HPSE2: variants seen among roughly 807,000 people sequenced by gnomAD.
HPSE2 encodes inactive heparanase-2.
In HPSE2, 38 loss-of-function variants were observed where a neutral mutation model predicts 60.5. The observed-to-expected ratio is 0.63, with a 90% confidence interval of 0.48 to 0.82. The LOEUF is 0.82. HPSE2 is among the 40% of genes least tolerant of loss of function. HPSE2 has a pLI of 0.00. For missense variants in HPSE2, 713 were observed against 740.4 expected, an observed-to-expected ratio of 0.96 and a Z score of 0.43; for synonymous variants, 295 against 293.2, an observed-to-expected ratio of 1.01 and a Z score of -0.06.
intron 3 of HPSE2, among the ~76,000 whole-genome samples, chr10:98,841,521 C>T (rs542347587): frequency 1.6e-4 from 25 of 152,204 alleles, no homozygotes; most frequent in Admixed American, 7.8e-4. Flanking sequence ...AGTAATCTTC[C>T]GGAACTTAAC....
chr10:99,096,758 T>C (rs1222198254), intron 3 of HPSE2, among the ~76,000 whole-genome samples: 3 of 152,114 alleles, frequency 2.0e-5, no homozygotes, highest in Admixed American at 6.5e-5. Flanking sequence ...CCCAAAGGTT[T>C]CCGCATACCC....
rs184901497 is a variant in HPSE2 at position 98,816,858 on chromosome 10, G to A, written c.611-72802C>T. Among the ~76,000 whole-genome samples the A allele has an allele frequency of 8.1e-4, 121 of 149,734 alleles. 1 individual carries two copies. The highest frequency in any genetic ancestry group is 2.9e-3 in the African/African-American group (112 of 39,208). On this transcript the variant is annotated intron_variant, in intron 3 of 11. Transcript: ENST00000370552. The stretch of plus-strand genomic sequence containing the variant: ...GTAAATGCTATTTCCTTTGACCTCC[G>A]TGTCAATCTTTTTTTTTATTTTTAT...
intron 3 of HPSE2, among the ~76,000 whole-genome samples, chr10:98,943,284 A>G (rs1955075626): frequency 6.6e-6 from 1 of 151,756 alleles, no homozygotes; most frequent in Non-Finnish European, 1.5e-5. Context: ...AAATAAAAAT[A>G]ATTATCTGTG....
chr10:98,621,427 T>G (rs145575080), intron 7 of HPSE2, among the ~76,000 whole-genome samples: 50 of 152,272 alleles, frequency 3.3e-4, no homozygotes, highest in Non-Finnish European at 6.5e-4. Context: ...TGCTTGGGGC[T>G]GCAATCGGCA....
intron 8 of HPSE2, 80 bp from the exon 9 acceptor site, chr10:98,615,098 A>G (rs1945870263): frequency 1.1e-6 from 1 of 931,870 alleles, no homozygotes; most frequent in Admixed American, 1.7e-5. Flanking sequence ...TGGCTACTAT[A>G]TACACATATA....
intron 2 of HPSE2, among the ~76,000 whole-genome samples, chr10:99,206,200 G>A (rs1048592981): frequency 1.3e-5 from 2 of 152,174 alleles, no homozygotes; most frequent in African/African-American, 4.8e-5. Context: ...ACAACAGCAG[G>A]TGCAAAAACC....
chr10:99,308,369 G>T, the HPSE2 span, among the ~76,000 whole-genome samples: 1 of 16,778 alleles, frequency 6.0e-5, no homozygotes. Context: ...GACAGAGCAA[G>T]ACTCTGTCTC....
chr10:98,878,130 T>C (rs1241922869), intron 3 of HPSE2, among the ~76,000 whole-genome samples: 1 of 151,910 alleles, frequency 6.6e-6, no homozygotes, highest in Non-Finnish European at 1.5e-5. Flanking sequence ...ATACAAGACG[T>C]TTCAAATCTT....
intron 3 of HPSE2, among the ~76,000 whole-genome samples, chr10:99,127,820 G>C (rs1025694080): frequency 2.0e-5 from 3 of 152,188 alleles, no homozygotes; most frequent in Admixed American, 2.0e-4. Context: ...CAAGCCAGAA[G>C]GGATTGGAGT....
rs191805071 is a variant in HPSE2, at chr10:98,874,264, C to T, written c.611-130208G>A. On this transcript the variant is annotated intron_variant, in intron 3 of 11. Coordinates refer to ENST00000370552, the MANE Select transcript of HPSE2 (RefSeq NM_021828.5). The stretch of plus-strand genomic sequence containing the variant: ...TTGTTGCAATTGCTTTTGGTGTTTT[C>T]ATCATGAAGTCTTTGCCCATGCCTA... 9.0e-3 allele frequency among the ~76,000 whole-genome samples: 1,355 copies of T among 150,398 alleles called. 15 individuals are homozygous for T. Among genetic ancestry groups the T allele is most frequent in the African/African-American group, 0.031 (1,270 of 40,980 alleles).
intron 3 of HPSE2, among the ~76,000 whole-genome samples, chr10:98,999,959 A>C (rs2135369773): frequency 6.6e-6 from 1 of 152,322 alleles, no homozygotes; most frequent in South Asian, 2.1e-4. Context: ...TAGTGGAGAA[A>C]GAATAGAGAA....
At chr10:99,252,467 G>A in the HPSE2 span, among the ~76,000 whole-genome samples, 5 of 152,096 alleles carry the variant, frequency 3.3e-5, no homozygotes, top group Admixed American at 6.5e-5. Flanking sequence ...AAATGACTTT[G>A]GCAATGTTTC....
At chr10:98,586,637 C>A (rs146555968) in intron 9 of HPSE2, among the ~76,000 whole-genome samples, 1 of 152,156 alleles carries the variant, frequency 6.6e-6, no homozygotes, top group Non-Finnish European at 1.5e-5. Context: ...GATTCTGAGA[C>A]TCTTTGTAAA....
chr10:99,134,242 T>C (rs1302832415), intron 3 of HPSE2, among the ~76,000 whole-genome samples: 2 of 152,186 alleles, frequency 1.3e-5, no homozygotes, highest in Non-Finnish European at 2.9e-5. Context: ...AATCTACATC[T>C]AATTGGTGTA....
At chr10:99,274,218 G>A in the HPSE2 span, among the ~76,000 whole-genome samples, 235 of 152,090 alleles carry the variant, frequency 1.5e-3, 1 homozygote, top group African/African-American at 5.3e-3. Context: ...GTGGTGGCCT[G>A]CGCCTGTAAT....
At chr10:99,071,649 T>A (rs1433553135) in intron 3 of HPSE2, among the ~76,000 whole-genome samples, 1 of 152,228 alleles carries the variant, frequency 6.6e-6, no homozygotes, top group Non-Finnish European at 1.5e-5. Flanking sequence ...CTAATGCCAA[T>A]GACATGAAGG....
intron 9 of HPSE2, among the ~76,000 whole-genome samples, chr10:98,497,733 G>A (rs1311840736): frequency 1.3e-5 from 2 of 151,858 alleles, no homozygotes; most frequent in African/African-American, 4.8e-5. Context: ...ATACTCATTT[G>A]TTTTTCCAAA....
intron 2 of HPSE2, among the ~76,000 whole-genome samples, chr10:99,160,898 CAA>C (rs60506210): frequency 7.2e-5 from 4 of 55,420 alleles, no homozygotes; most frequent in African/African-American, 1.7e-4. Context: ...GACTCCGTCT[CAA>C]AAAAAAAAAA....
intron 3 of HPSE2, among the ~76,000 whole-genome samples, chr10:98,940,413 C>A (rs1170178020): frequency 2.1e-5 from 3 of 142,556 alleles, no homozygotes; most frequent in Non-Finnish European, 3.0e-5. Context: ...CACCACCGAT[C>A]CCACAGAAAT....
Sources: allele counts gnomAD v4.1 joint callset (sites outside exome capture counted in the v4.1 genomes callset), GRCh38; gene constraint gnomAD v4.1.1; transcripts MANE v1.5; gene names NCBI Gene and HGNC (gene_info 2026-07-23, HGNC 2026-07-21).